WDR47: variants seen among roughly 807,000 people sequenced by gnomAD.
WDR47 encodes the protein WD repeat domain 47.
Under a neutral mutation model 97.2 loss-of-function variants are expected in WDR47, and 32 were observed. The observed-to-expected ratio is 0.33, with a 90% CI of 0.25 to 0.44. The LOEUF (loss-of-function observed/expected upper bound fraction) is 0.44, where lower values mean the gene tolerates loss of function less well. Ranked by LOEUF, WDR47 falls within the 20% of genes least tolerant of loss-of-function variation. The pLI is 1.00. For missense variants in WDR47, 782 were observed against 1,102.3 expected (o/e 0.71, Z 4.11); for synonymous variants, 375 against 373.5 (o/e 1.00, Z -0.05).
At chr1:108,995,914 GA>G in intron 7 of WDR47, 77 bp from the exon 8 acceptor site, 2 of 1,427,700 alleles carry the variant, frequency 1.4e-6, no homozygotes, top group Non-Finnish European at 9.5e-7. Flanking sequence ...TTAAAAGTGT[GA>G]AAAGGTAAAA....
chr1:109,035,066 G>A (rs1414425331), intron 1 of WDR47, among the ~76,000 whole-genome samples: 6 of 149,456 alleles, frequency 4.0e-5, no homozygotes, highest in East Asian at 2.0e-4. Flanking sequence ...GCAACATGGC[G>A]AAACCCTGTC....
intron 1 of WDR47, among the ~76,000 whole-genome samples, chr1:109,039,682 T>G (rs1663210250): frequency 6.6e-6 from 1 of 151,690 alleles, no homozygotes; most frequent in African/African-American, 2.4e-5. Context: ...TGAAGTATCC[T>G]CAGGTGTGGG....
rs757757787 is a variant in WDR47, at chr1:108,986,654, A to G, written c.1794T>C (p.Val598=). The G allele has an allele frequency of 3.7e-6, 6 of 1,609,630 alleles. No individual in the cohort carries two copies. Among genetic ancestry groups the G allele is most frequent in the Non-Finnish European group, 5.1e-6 (6 of 1,178,288 alleles). ...EEDDKSKKQF[V]CINILEDTQA... is the part of the protein sequence containing the mutation. ...GTGTGTCTTCTAGGATATTAATACAAACAAACTGCTTTTTTGATTTGTCAT... is the reference window on the plus strand; with the variant it reads ...GTGTGTCTTCTAGGATATTAATACAGACAAACTGCTTTTTTGATTTGTCAT... The change falls in exon 10 of 15, where the codon GTT becomes GTC. Residue 598 remains valine (V), a synonymous_variant. Coordinates refer to ENST00000369962, the MANE Select transcript of WDR47 (RefSeq NM_001142551.2).
rs536401251 is a variant in WDR47, at chr1:108,970,550, T to C, written c.*880A>G. On this transcript the variant is annotated 3_prime_UTR_variant, in exon 15 of 15. Transcript: ENST00000369962. ...AGTTTAAATCTTCCATTTTAAATTA[T>C]CATGCAGACATAGCATTTCAAGCCA... 1.3e-5 allele frequency: 2 copies of C among 152,348 alleles called. No individual in the cohort carries two copies. The highest frequency in any genetic ancestry group is 2.1e-4 in the South Asian group (1 of 4,804). 9.4% of individuals were successfully genotyped at this position (152,348 alleles called of 1,614,324 possible).
chr1:108,971,298 T>C lies in WDR47; in HGVS notation c.*132A>G. ...CACCCAACACCTCCTATCAGTGGGA[T>C]ACATGGTAATAAGGGGCCTCTTCGT... On this transcript the variant is annotated 3_prime_UTR_variant, in exon 15 of 15. Transcript: ENST00000369962. The C allele has an allele frequency of 8.1e-7, 1 of 1,231,916 alleles. No homozygotes were observed. Among genetic ancestry groups the C allele is most frequent in the Admixed American group, 2.2e-5 (1 of 44,954 alleles). 76.3% of individuals were successfully genotyped at this position (1,231,916 alleles called of 1,614,324 possible). A position where few individuals can be genotyped will look rare whatever the true frequency, so the allele number is the denominator to read the frequency against.
chr1:108,986,827 A>T, intron 9 of WDR47, 147 bp from the exon 10 acceptor site: 2 of 670,068 alleles, frequency 3.0e-6, no homozygotes, highest in Non-Finnish European at 4.8e-6. Flanking sequence ...TCTTTTCTCT[A>T]TGTTTTTCTT....
chr1:108,988,303 A>G (rs1366471860), intron 9 of WDR47, among the ~76,000 whole-genome samples: 1 of 141,090 alleles, frequency 7.1e-6, no homozygotes, highest in Non-Finnish European at 1.6e-5. Flanking sequence ...TTTAACTATT[A>G]AGAAAAAAAA....
chr1:109,032,505 C>CAAAAA (rs35413882), intron 1 of WDR47, among the ~76,000 whole-genome samples: 1 of 84,996 alleles, frequency 1.2e-5, no homozygotes, highest in Non-Finnish European at 2.4e-5. Context: ...GAGACTGTCT[C>CAAAAA]AAAAAAAAAA....
intron 1 of WDR47, among the ~76,000 whole-genome samples, chr1:109,035,889 G>A (rs545917368): frequency 6.6e-6 from 1 of 151,330 alleles, no homozygotes; most frequent in South Asian, 2.1e-4. Flanking sequence ...TGCCGGGCCT[G>A]TTCATAGCAC....
chr1:108,979,222 C>T (rs1658154950), intron 13 of WDR47, among the ~76,000 whole-genome samples: 1 of 151,948 alleles, frequency 6.6e-6, no homozygotes, highest in Non-Finnish European at 1.5e-5. Context: ...TGTATAGAAA[C>T]TACACAAATA....
chr1:109,004,007 G>A (rs531513099), intron 6 of WDR47, among the ~76,000 whole-genome samples: 70 of 152,262 alleles, frequency 4.6e-4, no homozygotes, highest in African/African-American at 1.6e-3. Flanking sequence ...GCTCAAGCCT[G>A]TAATCCCAGC....
At position 109,041,292 on chromosome 1, in the gene WDR47, C is replaced by G. The variant is rs185622866; in HGVS notation, c.-10+570G>C. ...CCCAGTTCTAAATCGAGTCGCTGCC[C>G]CTTTCCGCGACCACACCCAGATCCC... On this transcript the variant is annotated intron_variant, in intron 1 of 14. Coordinates refer to ENST00000369962, the MANE Select transcript of WDR47 (RefSeq NM_001142551.2). Among the ~76,000 whole-genome samples, 311 of 152,318 alleles carry G rather than the reference C, an allele frequency of 2.0e-3. 2 individuals carry two copies. Among genetic ancestry groups the G allele is most frequent in the African/African-American group, 7.1e-3 (294 of 41,578 alleles).
intron 8 of WDR47, among the ~76,000 whole-genome samples, chr1:108,994,844 A>G (rs1659634359): frequency 6.6e-6 from 1 of 152,240 alleles, no homozygotes; most frequent in Non-Finnish European, 1.5e-5. Context: ...AATTCAGAAA[A>G]GAATCAAAAA....
Position 109,022,712 on chromosome 1 carries a change from C to T in WDR47, c.158+643G>A, listed in dbSNP as rs557821077. On this transcript the variant is annotated intron_variant, in intron 2 of 14. Transcript: ENST00000369962. The stretch of plus-strand genomic sequence containing the variant: ...TGATTCTCCTGCCTCAGCCTCCCGA[C>T]TAGCTGGGATTACAGGCATGTGCCA... Among the ~76,000 whole-genome samples the T allele has an allele frequency of 1.1e-4, 16 of 151,808 alleles. 1 individual carries two copies. The South Asian group carries it at 3.3e-3, about 32-fold the overall frequency.
In WDR47 at chr1:109,002,336, C is replaced by T; in HGVS notation, c.1321G>A (p.Glu441Lys). ...RQRLRYQQHL[E>K]QKEQQRQIYQ... Reference sequence around the variant, plus strand: ...ATCTGCCGCTGTTGCTCCTTCTGTTCTAAATGCTGTTGATAGCGTAATCTT... The same window carrying T: ...ATCTGCCGCTGTTGCTCCTTCTGTTTTAAATGCTGTTGATAGCGTAATCTT... The change falls in exon 7 of 15, where the codon GAA becomes AAA. Residue 441 changes from glutamate (E) to lysine (K), a missense_variant. Transcript: ENST00000369962. The T allele has an allele frequency of 1.2e-6, 2 of 1,613,026 alleles. No individual in the cohort carries two copies. Among genetic ancestry groups the T allele is most frequent in the South Asian group, 1.1e-5 (1 of 90,946 alleles).
At chr1:108,995,042 T>C (rs1021302139) in intron 8 of WDR47, among the ~76,000 whole-genome samples, 1 of 152,216 alleles carries the variant, frequency 6.6e-6, no homozygotes, top group Non-Finnish European at 1.5e-5. Context: ...GCTAAGAATA[T>C]AGAAAATGCT....
intron 9 of WDR47, 105 bp from the exon 10 acceptor site, chr1:108,986,785 T>A: frequency 1.0e-6 from 1 of 1,001,634 alleles, no homozygotes; most frequent in Non-Finnish European, 1.4e-6. Flanking sequence ...TCTTGTTGGA[T>A]CATGTTAGGT....
intron 5 of WDR47, 121 bp downstream of exon 5, chr1:109,010,795 G>C: frequency 5.3e-6 from 5 of 951,104 alleles, no homozygotes; most frequent in Admixed American, 2.3e-5. Flanking sequence ...TGTTAGCCAG[G>C]ATGGTCTCAA....
intron 1 of WDR47, among the ~76,000 whole-genome samples, chr1:109,025,642 G>A (rs1662161175): frequency 6.7e-6 from 1 of 149,316 alleles, no homozygotes; most frequent in Admixed American, 6.7e-5. Flanking sequence ...GCTGAGGCAG[G>A]AGAATTGCTT....
Sources: gnomAD v4.1 joint callset for allele counts (sites outside exome capture counted in the v4.1 genomes callset) on GRCh38, gnomAD v4.1.1 for gene constraint, MANE v1.5 for transcripts, NCBI Gene and HGNC (gene_info 2026-07-23, HGNC 2026-07-21) for gene names.